LUZP2: variants seen among roughly 807,000 people sequenced by gnomAD.
The protein encoded by LUZP2 is leucine zipper protein 2.
A neutral mutation model predicts 51.6 loss-of-function variants in LUZP2; 52 were observed. That is an observed-to-expected ratio of 1.01 (90% CI 0.81 to 1.27). The LOEUF (loss-of-function observed/expected upper bound fraction) is 1.27. LUZP2 is among the 50% of genes most tolerant of loss of function. The probability of loss-of-function intolerance (pLI) is 0.00; values close to 1 mark genes in which losing one functional copy is unlikely to be tolerated. For synonymous variants in LUZP2, 154 were observed against 137.3 expected (o/e 1.12, Z -0.85); for missense variants, 436 against 395.4 (o/e 1.10, Z -0.87).
At chr11:25,044,927 G>A (rs12281933) in intron 9 of LUZP2, among the ~76,000 whole-genome samples, 72,231 of 151,266 alleles carry the variant, frequency 0.48, 17,503 homozygotes, top group Non-Finnish European at 0.51. Flanking sequence ...GATGAAACTG[G>A]AAACCATCAT....
intron 1 of LUZP2, among the ~76,000 whole-genome samples, chr11:24,498,556 G>C (rs973291504): frequency 1.3e-5 from 2 of 152,156 alleles, no homozygotes; most frequent in Non-Finnish European, 2.9e-5. Flanking sequence ...TGAAATGTAA[G>C]TTTGATTCTT....
intron 5 of LUZP2, among the ~76,000 whole-genome samples, chr11:24,905,539 TA>T (rs975360024): frequency 2.7e-5 from 4 of 150,328 alleles, no homozygotes; most frequent in East Asian, 1.9e-4. Context: ...AAAAAATAAA[TA>T]AAAAAAAAGA....
intron 9 of LUZP2, among the ~76,000 whole-genome samples, chr11:25,045,374 G>A (rs1321662300): frequency 1.3e-5 from 2 of 148,452 alleles, no homozygotes; most frequent in Admixed American, 6.7e-5. Context: ...AGAATAGGAC[G>A]TAAAGAATAA....
intron 10 of LUZP2, among the ~76,000 whole-genome samples, chr11:25,070,187 C>G (rs10834596): frequency 0.9 from 136,824 of 151,762 alleles, 62,610 homozygotes; most frequent in Non-Finnish European, 0.98. Flanking sequence ...AGAAGTTAAG[C>G]AGAAAGACAA....
At chr11:24,567,243 A>G (rs1458444427) in intron 1 of LUZP2, among the ~76,000 whole-genome samples, 1 of 151,734 alleles carries the variant, frequency 6.6e-6, no homozygotes, top group African/African-American at 2.4e-5. Context: ...GATTTGAAAA[A>G]AAAATCAGTA....
intron 1 of LUZP2, among the ~76,000 whole-genome samples, chr11:24,582,921 G>C (rs866731025): frequency 6.6e-6 from 1 of 152,032 alleles, no homozygotes; most frequent in South Asian, 2.1e-4. Context: ...TACTCCAAGT[G>C]GATTTACATT....
At chr11:24,716,609 A>G (rs1167086876) in intron 1 of LUZP2, among the ~76,000 whole-genome samples, 1 of 152,084 alleles carries the variant, frequency 6.6e-6, no homozygotes, top group Non-Finnish European at 1.5e-5. Flanking sequence ...AATAGTAACC[A>G]CTAGAAGCTG....
chr11:24,696,202 A>C (rs1857242196), intron 1 of LUZP2, among the ~76,000 whole-genome samples: 1 of 152,034 alleles, frequency 6.6e-6, no homozygotes, highest in Admixed American at 6.6e-5. Context: ...CAGATTGACT[A>C]TTTGGGGAAG....
chr11:25,016,411 T>A (rs962200479), intron 9 of LUZP2, among the ~76,000 whole-genome samples: 1 of 152,088 alleles, frequency 6.6e-6, no homozygotes, highest in African/African-American at 2.4e-5. Context: ...GTTATTTTAT[T>A]TTCCATTCCT....
chr11:24,692,090 CG>C (rs1857087065), intron 1 of LUZP2, among the ~76,000 whole-genome samples: 1 of 151,420 alleles, frequency 6.6e-6, no homozygotes, highest in African/African-American at 2.4e-5. Flanking sequence ...TGGCATTTTA[CG>C]TTTTTTTTTT....
At chr11:24,510,394 C>T (rs1319515689) in intron 1 of LUZP2, among the ~76,000 whole-genome samples, 1 of 152,212 alleles carries the variant, frequency 6.6e-6, no homozygotes, top group Admixed American at 6.5e-5. Flanking sequence ...GGGTACATTT[C>T]ATAAGTTCCT....
At chr11:24,690,563 C>T (rs1857033504) in intron 1 of LUZP2, among the ~76,000 whole-genome samples, 1 of 151,994 alleles carries the variant, frequency 6.6e-6, no homozygotes, top group Non-Finnish European at 1.5e-5. Context: ...AATTTATTTC[C>T]ACTCTGATAT....
intron 7 of LUZP2, among the ~76,000 whole-genome samples, chr11:24,968,663 A>G (rs1172385739): frequency 6.6e-6 from 1 of 152,156 alleles, no homozygotes; most frequent in Non-Finnish European, 1.5e-5. Context: ...CTGTTACCCA[A>G]GCTGATTTTT....
chr11:24,517,122 T>A (rs1850489806), intron 1 of LUZP2, among the ~76,000 whole-genome samples: 3 of 152,116 alleles, frequency 2.0e-5, no homozygotes, highest in African/African-American at 7.2e-5. Flanking sequence ...TTATTTGAAA[T>A]CTTAATTGAA....
At chr11:25,024,738 T>A (rs1431428544) in intron 9 of LUZP2, among the ~76,000 whole-genome samples, 13 of 151,356 alleles carry the variant, frequency 8.6e-5, no homozygotes, top group Admixed American at 6.6e-5. Context: ...ATTTATAGAT[T>A]CAATGCCATC....
chr11:24,812,530 C>A (rs996162110), intron 5 of LUZP2, among the ~76,000 whole-genome samples: 3 of 152,138 alleles, frequency 2.0e-5, no homozygotes, highest in Non-Finnish European at 4.4e-5. Flanking sequence ...AGCCACTTAA[C>A]CTCTCTTTGC....
At chr11:24,601,161 G>A (rs1853621527) in intron 1 of LUZP2, among the ~76,000 whole-genome samples, 1 of 151,962 alleles carries the variant, frequency 6.6e-6, no homozygotes, top group East Asian at 1.9e-4. Context: ...AGATGGAGGG[G>A]TACAAATATC....
chr11:24,580,922 C>T (rs1260583252), intron 1 of LUZP2, among the ~76,000 whole-genome samples: 1 of 151,938 alleles, frequency 6.6e-6, no homozygotes. Context: ...CATTTTACTG[C>T]CATATATATT....
At chr11:24,690,319 GTTTA>G (rs1857026861) in intron 1 of LUZP2, among the ~76,000 whole-genome samples, 1 of 151,964 alleles carries the variant, frequency 6.6e-6, no homozygotes. Context: ...GCATACCAGG[GTTTA>G]TTTGTTTGTT....
Sources: gnomAD v4.1 joint callset for allele counts (sites outside exome capture counted in the v4.1 genomes callset) on GRCh38, gnomAD v4.1.1 for gene constraint, MANE v1.5 for transcripts, NCBI Gene and HGNC (gene_info 2026-07-23, HGNC 2026-07-21) for gene names.